Variants in AGTR1 observed in about 807,000 individuals in gnomAD.
AGTR1 encodes type-1 angiotensin II receptor.
A neutral mutation model predicts 19.4 loss-of-function variants in AGTR1; 16 were observed. That is an observed-to-expected ratio of 0.82 (90% confidence interval 0.56 to 1.25). AGTR1 has a LOEUF of 1.25. Ranked by LOEUF, AGTR1 falls within the 50% of genes most tolerant of loss-of-function variation. The pLI is 0.00. For synonymous variants in AGTR1, 153 were observed against 154.9 expected, an observed-to-expected ratio of 0.99 and a Z score of 0.09; for missense variants, 373 against 431.9, an observed-to-expected ratio of 0.86 and a Z score of 1.21.
chr3:148,731,137 TAATAGAAAA>T (rs1714229013), intron 2 of AGTR1: 1 of 152,268 alleles, frequency 6.6e-6, no homozygotes, highest in South Asian at 2.1e-4. Context: ...CAAATGTTTT[TAATAGAAAA>T]ATTACAATTA....
intron 2 of AGTR1, among the ~76,000 whole-genome samples, chr3:148,736,561 G>A (rs1714581847): frequency 6.6e-6 from 1 of 152,122 alleles, no homozygotes; most frequent in Non-Finnish European, 1.5e-5. Context: ...TATACCAAGT[G>A]CTTTAACATT....
intron 2 of AGTR1, among the ~76,000 whole-genome samples, chr3:148,740,414 C>T (rs191538226): frequency 2.4e-3 from 368 of 152,294 alleles, no homozygotes; most frequent in Middle Eastern, 6.8e-3. Flanking sequence ...CTACCTCCTA[C>T]GCCTCTTAAA....
At position 148,741,004 on chromosome 3, in the gene AGTR1, T is replaced by C; in HGVS notation, c.-32T>C. On this transcript the variant is annotated 5_prime_UTR_variant, in exon 3 of 3. Coordinates refer to ENST00000349243, the MANE Select transcript of AGTR1 (RefSeq NM_000685.5). The stretch of plus-strand genomic sequence containing the variant: ...TTTTCCCCAGGTGTATTTGATATAG[T>C]GTTTGCAACAAATTCGACCCAGGTG... 6.2e-7 allele frequency: 1 copy of C among 1,613,084 alleles called. No homozygotes were observed. The highest frequency in any genetic ancestry group is 8.5e-7 in the Non-Finnish European group (1 of 1,179,570).
intron 2 of AGTR1, among the ~76,000 whole-genome samples, chr3:148,734,318 A>C (rs1714449164): frequency 6.6e-6 from 1 of 152,152 alleles, no homozygotes; most frequent in Non-Finnish European, 1.5e-5. Flanking sequence ...TTGGGTTCTT[A>C]GTTATTTTGG....
chr3:148,720,578 C>A (rs1713573747), intron 2 of AGTR1, among the ~76,000 whole-genome samples: 1 of 152,048 alleles, frequency 6.6e-6, no homozygotes, highest in Admixed American at 6.5e-5. Flanking sequence ...AGGTTTGGCT[C>A]ACACACAACT....
chr3:148,740,899 C>A, intron 2 of AGTR1, 90 bp from the exon 3 acceptor site: 2 of 1,196,352 alleles, frequency 1.7e-6, no homozygotes, highest in Non-Finnish European at 2.3e-6. Flanking sequence ...AGTTGAGTTA[C>A]TACGTTTATG....
chr3:148,700,313 C>G (rs559003047), intron 1 of AGTR1, among the ~76,000 whole-genome samples: 1 of 152,178 alleles, frequency 6.6e-6, no homozygotes, highest in South Asian at 2.1e-4. Flanking sequence ...TGCTACTTAC[C>G]CAAAGCCCAG....
intron 2 of AGTR1, among the ~76,000 whole-genome samples, chr3:148,737,064 T>TTGG (rs1444086645): frequency 1.2e-4 from 19 of 152,178 alleles, no homozygotes; most frequent in Non-Finnish European, 1.2e-4. Context: ...TTATCATCAA[T>TTGG]CTAAAGTAAC....
rs773352362 is a variant in AGTR1 at position 148,742,168 on chromosome 3, C to T, written c.*53C>T. 53 of 1,597,236 alleles carry T rather than the reference C, an allele frequency of 3.3e-5. No individual in the cohort carries two copies. Among genetic ancestry groups the T allele is most frequent in the Non-Finnish European group, 4.3e-5 (50 of 1,164,984 alleles). On this transcript the variant is annotated 3_prime_UTR_variant, in exon 3 of 3. Coordinates refer to ENST00000349243, the MANE Select transcript of AGTR1 (RefSeq NM_000685.5). ...TTTTGTGAAAGAAGGAGCAAGAGAA[C>T]ATTCCTCTGCAGCACTTCACTACCA...
intron 2 of AGTR1, among the ~76,000 whole-genome samples, chr3:148,715,236 C>A (rs1483727164): frequency 1.3e-5 from 2 of 152,098 alleles, no homozygotes; most frequent in Non-Finnish European, 2.9e-5. Flanking sequence ...TTCTCATAAT[C>A]CCCATGCTTT....
rs1714957945 is a variant in AGTR1 at position 148,742,169 on chromosome 3, A to G, written c.*54A>G. 6.3e-7 allele frequency: 1 copy of G among 1,598,032 alleles called. No homozygotes were observed. The highest frequency in any genetic ancestry group is 8.6e-7 in the Non-Finnish European group (1 of 1,165,744). On this transcript the variant is annotated 3_prime_UTR_variant, in exon 3 of 3. Transcript: ENST00000349243. ...TTTGTGAAAGAAGGAGCAAGAGAAC[A>G]TTCCTCTGCAGCACTTCACTACCAA...
chr3:148,705,332 CA>C, intron 1 of AGTR1, among the ~76,000 whole-genome samples: 1 of 152,164 alleles, frequency 6.6e-6, no homozygotes, highest in East Asian at 1.9e-4. Flanking sequence ...ACAATTTCAT[CA>C]ACACATATAC....
At chr3:148,707,741 G>A (rs1168026614) in intron 1 of AGTR1, among the ~76,000 whole-genome samples, 1 of 152,068 alleles carries the variant, frequency 6.6e-6, no homozygotes, top group African/African-American at 2.4e-5. Context: ...TTGACCACAG[G>A]CAGGAAGATG....
chr3:148,741,746 T>A lies in AGTR1; in HGVS notation c.711T>A (p.Asp237Glu), dbSNP rs761069030. ...AGAAGAACAAACCAAGAAATGATGA[T>A]ATTTTTAAGATAATTATGGCAATTG... ...EIQKNKPRND[D>E]IFKIIMAIVL... The change falls in exon 3 of 3, where the codon GAT (aspartate) becomes GAA (glutamate). Residue 237 changes from aspartate (D) to glutamate (E), a missense_variant. Physicochemically the swap from Asp to Glu is conservative, Grantham distance 45. Transcript: ENST00000349243. 79 of 1,613,774 alleles carry A rather than the reference T, an allele frequency of 4.9e-5. No homozygotes were observed. The highest frequency in any genetic ancestry group is 6.5e-5 in the Non-Finnish European group (77 of 1,179,986).
chr3:148,734,860 A>G (rs1714484864), intron 2 of AGTR1, among the ~76,000 whole-genome samples: 1 of 152,212 alleles, frequency 6.6e-6, no homozygotes, highest in South Asian at 2.1e-4. Context: ...AAAAGCCATG[A>G]CTATAATCCA....
chr3:148,708,945 GCTT>G (rs1712827538), intron 2 of AGTR1, among the ~76,000 whole-genome samples: 1 of 152,164 alleles, frequency 6.6e-6, no homozygotes, highest in South Asian at 2.1e-4. Flanking sequence ...TTAGAGGGAT[GCTT>G]CTTCTTTGCT....
intron 2 of AGTR1, among the ~76,000 whole-genome samples, chr3:148,723,459 G>C (rs1192326870): frequency 6.6e-6 from 1 of 152,156 alleles, no homozygotes; most frequent in East Asian, 1.9e-4. Context: ...TTGAACACAA[G>C]ATAATATTTG....
At chr3:148,723,851 T>C (rs1383734646) in intron 2 of AGTR1, among the ~76,000 whole-genome samples, 2 of 152,156 alleles carry the variant, frequency 1.3e-5, no homozygotes, top group East Asian at 3.9e-4. Flanking sequence ...AGGGGGAATG[T>C]CTAACAAACA....
At chr3:148,723,574 T>C (rs1188520436) in intron 2 of AGTR1, among the ~76,000 whole-genome samples, 1 of 152,148 alleles carries the variant, frequency 6.6e-6, no homozygotes, top group Non-Finnish European at 1.5e-5. Context: ...CAGCAACAGC[T>C]CTAAGAGATG....
Sources: allele counts gnomAD v4.1 joint callset (sites outside exome capture counted in the v4.1 genomes callset), GRCh38; gene constraint gnomAD v4.1.1; transcripts MANE v1.5; gene names NCBI Gene and HGNC (gene_info 2026-07-23, HGNC 2026-07-21).